WDR47: variants seen among roughly 807,000 people sequenced by gnomAD.
WDR47 encodes the protein WD repeat-containing protein 47.
In WDR47, 32 loss-of-function variants were observed where a neutral mutation model predicts 97.2. That is an observed-to-expected ratio of 0.33 (90% CI 0.25 to 0.44). The LOEUF (loss-of-function observed/expected upper bound fraction) is 0.44. WDR47 is among the 20% of genes least tolerant of loss of function. WDR47 has a pLI of 1.00. For synonymous variants in WDR47, 375 were observed against 373.5 expected (o/e 1.00, Z -0.05); for missense variants, 782 against 1,102.3 (o/e 0.71, Z 4.11).
intron 1 of WDR47, among the ~76,000 whole-genome samples, chr1:109,035,014 G>C (rs1185180529): frequency 6.6e-6 from 1 of 151,860 alleles, no homozygotes; most frequent in African/African-American, 2.4e-5. Context: ...CCAGCACTTG[G>C]GAGGCTGAGA....
In WDR47 at chr1:109,028,362, G is replaced by T. The variant is rs376095323; in HGVS notation, c.-9-4841C>A. On this transcript the variant is annotated intron_variant, in intron 1 of 14. Coordinates refer to ENST00000369962, the MANE Select transcript of WDR47 (RefSeq NM_001142551.2). ...ACTGGGCCCAGCTAATTTTTGTTGG[G>T]TTTTTTTTTTTTTTTTTTTTTTGTA... Among the ~76,000 whole-genome samples, 597 of 79,836 alleles carry T rather than the reference G, an allele frequency of 7.5e-3. 3 individuals carry two copies. Among genetic ancestry groups the T allele is most frequent in the African/African-American group, 0.014 (275 of 19,836 alleles). The allele number at this position is 79,836 out of a possible 152,430, so 52.4% of individuals were successfully genotyped here.
At chr1:109,039,759 C>T (rs558771123) in intron 1 of WDR47, among the ~76,000 whole-genome samples, 1 of 152,170 alleles carries the variant, frequency 6.6e-6, no homozygotes, top group East Asian at 1.9e-4. Context: ...TATACAGGGT[C>T]AGGCACGGTG....
chr1:108,982,862 T>C (rs1212430154), intron 11 of WDR47, 83 bp from the exon 12 acceptor site: 14 of 1,396,970 alleles, frequency 1.0e-5, no homozygotes, highest in East Asian at 2.3e-5. Context: ...ACCTCAAAAC[T>C]GGTCAAGAAT....
intron 9 of WDR47, among the ~76,000 whole-genome samples, chr1:108,987,728 A>T (rs1658949734): frequency 6.6e-6 from 1 of 152,014 alleles, no homozygotes; most frequent in Non-Finnish European, 1.5e-5. Context: ...TCAGTCTCCC[A>T]AAGTGCTGGG....
intron 14 of WDR47, 31 bp from the exon 15 acceptor site, chr1:108,971,603 T>C: frequency 6.2e-7 from 1 of 1,613,568 alleles, no homozygotes; most frequent in Non-Finnish European, 8.5e-7. Context: ...TGATTTACAA[T>C]GCAAAATAAG....
chr1:108,979,420 G>A (rs1176602321), intron 13 of WDR47, among the ~76,000 whole-genome samples: 1 of 152,170 alleles, frequency 6.6e-6, no homozygotes, highest in Admixed American at 6.6e-5. Flanking sequence ...CAGCCACTCG[G>A]GAAGCTAAGG....
At position 108,996,582 on chromosome 1, in the gene WDR47, T is replaced by C. The variant is rs1034792486; in HGVS notation, c.1434-745A>G. ...AATGGATGACTTGAGCAAGCCATGA[T>C]GAGTAAAAAGTCAAATGGCATCCCT... On this transcript the variant is annotated intron_variant, in intron 7 of 14. Transcript: ENST00000369962. Among the ~76,000 whole-genome samples the C allele has an allele frequency of 3.9e-5, 6 of 152,324 alleles. No homozygotes were observed. In the East Asian group the frequency reaches 1.2e-3, roughly 29 times the overall value.
At chr1:109,007,008 G>C (rs924171093) in intron 5 of WDR47, among the ~76,000 whole-genome samples, 1 of 151,814 alleles carries the variant, frequency 6.6e-6, no homozygotes, top group Non-Finnish European at 1.5e-5. Flanking sequence ...TGCAATCAAG[G>C]CTCACTGCAG....
intron 1 of WDR47, among the ~76,000 whole-genome samples, chr1:109,040,895 T>G (rs1202811486): frequency 6.6e-6 from 1 of 152,172 alleles, no homozygotes; most frequent in Non-Finnish European, 1.5e-5. Flanking sequence ...ATTAACTTTT[T>G]GAGGCATTCT....
chr1:109,023,055 T>A (rs897410320), intron 2 of WDR47, among the ~76,000 whole-genome samples: 1 of 151,254 alleles, frequency 6.6e-6, no homozygotes, highest in African/African-American at 2.4e-5. Context: ...ATACAAAAAT[T>A]AGCTGGCCGT....
At chr1:108,992,349 G>A (rs1659416571) in intron 8 of WDR47, 24 of 847,034 alleles carry the variant, frequency 2.8e-5, no homozygotes, top group Non-Finnish European at 4.8e-5. Flanking sequence ...TCCAATCTTC[G>A]TGTTCACTTT....
At chr1:108,991,753 T>C (rs1281680971) in intron 8 of WDR47, among the ~76,000 whole-genome samples, 1 of 152,164 alleles carries the variant, frequency 6.6e-6, no homozygotes, top group Non-Finnish European at 1.5e-5. Flanking sequence ...AATCAATTTT[T>C]GTGAGGCCAA....
At position 109,022,709 on chromosome 1, in the gene WDR47, C is replaced by T. The variant is rs1318824184; in HGVS notation, c.158+646G>A. On this transcript the variant is annotated intron_variant, in intron 2 of 14. Transcript: ENST00000369962. ...AAATGATTCTCCTGCCTCAGCCTCC[C>T]GACTAGCTGGGATTACAGGCATGTG... 6.6e-5 allele frequency among the ~76,000 whole-genome samples: 10 copies of T among 152,086 alleles called. No individual in the cohort carries two copies. The East Asian group carries it at 1.8e-3, about 27-fold the overall frequency.
At position 109,023,383 on chromosome 1, in the gene WDR47, G is replaced by T. The variant is rs968467092; in HGVS notation, c.130C>A (p.Leu44Met). 6.2e-7 allele frequency: 1 copy of T among 1,613,566 alleles called. No individual in the cohort carries two copies. Among genetic ancestry groups the T allele is most frequent in the Non-Finnish European group, 8.5e-7 (1 of 1,179,818 alleles). ...AGGAAAAGCATATCATCTGAAAACAGGCCATTTATGACTCCACTTTCCTTC... is the reference window on the plus strand; with the variant it reads ...AGGAAAAGCATATCATCTGAAAACATGCCATTTATGACTCCACTTTCCTTC... ...LEKESGVING[L>M]FSDDMLFLRQ... The change falls in exon 2 of 15, where the codon CTG becomes ATG. Residue 44 changes from leucine to methionine, a missense_variant. Physicochemically the swap from Leu to Met is conservative, Grantham distance 15. Coordinates refer to ENST00000369962, the MANE Select transcript of WDR47 (RefSeq NM_001142551.2).
chr1:109,008,585 T>A (rs907453977), intron 5 of WDR47, among the ~76,000 whole-genome samples: 4 of 149,806 alleles, frequency 2.7e-5, no homozygotes, highest in East Asian at 4.1e-4. Context: ...TCTTATGCTT[T>A]AACTAAGGAT....
chr1:109,027,458 T>C (rs1011900590), intron 1 of WDR47, among the ~76,000 whole-genome samples: 5 of 152,158 alleles, frequency 3.3e-5, no homozygotes, highest in African/African-American at 1.2e-4. Flanking sequence ...CTCTTCTAAC[T>C]CCCTTGTATT....
chr1:109,028,673 G>C (rs1662398603), intron 1 of WDR47, among the ~76,000 whole-genome samples: 1 of 149,888 alleles, frequency 6.7e-6, no homozygotes, highest in Non-Finnish European at 1.5e-5. Flanking sequence ...AGATGGTCTT[G>C]ATCTCCTGAT....
At position 109,012,766 on chromosome 1, in the gene WDR47, A is replaced by C. The variant is rs577185084; in HGVS notation, c.328-1048T>G. Among the ~76,000 whole-genome samples, 18 of 152,244 alleles carry C rather than the reference A, an allele frequency of 1.2e-4. No individual in the cohort carries two copies. In the South Asian group the frequency reaches 2.9e-3, roughly 25 times the overall value. ...ACCTAGTCTAGCCACCATATCTTAC[A>C]TATGGGAAAAGTCAGGGTACACATT... On this transcript the variant is annotated intron_variant, in intron 4 of 14. Transcript: ENST00000369962.
intron 2 of WDR47, among the ~76,000 whole-genome samples, chr1:109,020,324 G>C (rs889815984): frequency 6.6e-6 from 1 of 150,758 alleles, no homozygotes; most frequent in African/African-American, 2.4e-5. Flanking sequence ...GCAAGCTCAC[G>C]ATCTCGGCTC....
Sources: allele counts gnomAD v4.1 joint callset (sites outside exome capture counted in the v4.1 genomes callset), GRCh38; gene constraint gnomAD v4.1.1; transcripts MANE v1.5; gene names NCBI Gene and HGNC (gene_info 2026-07-23, HGNC 2026-07-21).